The following IL31RA variants were observed in gnomAD, a reference collection of about 807,000 sequenced individuals.
The protein encoded by IL31RA is interleukin 31 receptor A.
A neutral mutation model predicts 83.7 loss-of-function variants in IL31RA; 66 were observed. The ratio of observed to expected loss-of-function variants is 0.79; its 90% CI spans 0.65 to 0.97. The LOEUF (loss-of-function observed/expected upper bound fraction) is 0.97, where lower values mean the gene tolerates loss of function less well. IL31RA is among the 50% of genes least tolerant of loss of function. IL31RA has a pLI of 0.00. For missense variants in IL31RA, 798 were observed against 919.4 expected (o/e 0.87, Z 1.71); for synonymous variants, 325 against 329.0 (o/e 0.99, Z 0.13).
chr5:55,882,397 A>C (rs538366611), intron 4 of IL31RA, among the ~76,000 whole-genome samples: 4 of 152,370 alleles, frequency 2.6e-5, no homozygotes, highest in Admixed American at 2.6e-4. Flanking sequence ...TATTTAGCGT[A>C]ATACCAATTT....
Position 55,867,225 on chromosome 5 carries a change from G to GCGCT in IL31RA, c.155-1566_155-1565insCGCT, listed in dbSNP as rs1561543414. Reference sequence around the variant, plus strand: ...TGTGTGTGTGCGCATGTGTGTTTGTGTGTGTGTTTGTGTGTGTGTTTGTGT... The same window carrying GCGCT: ...TGTGTGTGTGCGCATGTGTGTTTGTGCGCTTGTGTGTTTGTGTGTGTGTTTGTGT... On this transcript the variant is annotated intron_variant, in intron 2 of 14. Transcript: ENST00000652347. Among the ~76,000 whole-genome samples the GCGCT allele has an allele frequency of 2.5e-4, 30 of 121,890 alleles. 1 individual carries two copies. Among genetic ancestry groups the GCGCT allele is most frequent in the African/African-American group, 1.2e-3 (30 of 26,086 alleles). The allele number at this position is 121,890 out of a possible 152,430, so 80.0% of individuals were successfully genotyped here. A position where few individuals can be genotyped will look rare whatever the true frequency, so the allele number is the denominator to read the frequency against.
chr5:55,916,555 G>C (rs572886715), intron 14 of IL31RA, 89 bp from the exon 15 acceptor site: 1 of 1,088,996 alleles, frequency 9.2e-7, no homozygotes, highest in East Asian at 2.4e-5. Context: ...CCAGAGATGG[G>C]CATTTGCTGT....
intron 8 of IL31RA, chr5:55,902,440 T>C (rs1748880460): frequency 8.2e-6 from 1 of 122,148 alleles, no homozygotes; most frequent in Non-Finnish European, 1.6e-5. Context: ...CCAGGCAACA[T>C]AGTGAAACCT....
intron 12 of IL31RA, among the ~76,000 whole-genome samples, 185 bp from the exon 13 acceptor site, chr5:55,913,292 A>T (rs1237330097): frequency 6.6e-6 from 1 of 151,952 alleles, no homozygotes; most frequent in Non-Finnish European, 1.5e-5. Flanking sequence ...GGGTTTCACT[A>T]TGTTGGCCAG....
At chr5:55,902,953 G>A (rs1243763437) in intron 8 of IL31RA, among the ~76,000 whole-genome samples, 1 of 152,176 alleles carries the variant, frequency 6.6e-6, no homozygotes, top group East Asian at 1.9e-4. Context: ...GCTCGGATCT[G>A]CAGGATTCCC....
At position 55,899,899 on chromosome 5, in the gene IL31RA, G is replaced by A; in HGVS notation, c.853-17G>A. The A allele has an allele frequency of 2.5e-6, 4 of 1,597,100 alleles. No individual in the cohort carries two copies. Among genetic ancestry groups the A allele is most frequent in the Non-Finnish European group, 3.4e-6 (4 of 1,164,622 alleles). The stretch of plus-strand genomic sequence containing the variant: ...TTCTTTGTTATTGGCAATAAATTTT[G>A]TTTTCTTTGGGTTCAGAAGGCAAGA... On this transcript the variant is annotated splice_polypyrimidine_tract_variant and intron_variant, in intron 7 of 14. Coordinates refer to ENST00000652347, the MANE Select transcript of IL31RA (RefSeq NM_139017.7).
At chr5:55,855,182 C>T (rs1745283427) in intron 1 of IL31RA, among the ~76,000 whole-genome samples, 1 of 152,006 alleles carries the variant, frequency 6.6e-6, no homozygotes, top group Non-Finnish European at 1.5e-5. Context: ...TCTCACTCTG[C>T]TGCCCAGGCT....
upstream of IL31RA, among the ~76,000 whole-genome samples, chr5:55,848,479 A>T (rs1417857938): frequency 6.6e-6 from 1 of 152,002 alleles, no homozygotes; most frequent in Non-Finnish European, 1.5e-5. Flanking sequence ...ACATTTCCTT[A>T]CTATCTGGTA....
intron 2 of IL31RA, among the ~76,000 whole-genome samples, chr5:55,863,640 C>T (rs1187379387): frequency 6.6e-6 from 1 of 152,216 alleles, no homozygotes; most frequent in Non-Finnish European, 1.5e-5. Context: ...TTCTGTAACA[C>T]CAATATCAAG....
rs1039263496 is a variant in IL31RA, at chr5:55,922,006, T to A, written c.*4886T>A. ...TGTTGATTATTGACAAGCCTACTTG[T>A]AATCAAAATGTGTAGTGTGGTCAGT... On this transcript the variant is annotated 3_prime_UTR_variant, in exon 15 of 15. Transcript: ENST00000652347. Among the ~76,000 whole-genome samples the A allele has an allele frequency of 1.5e-5, 2 of 132,750 alleles. No individual in the cohort carries two copies. Among genetic ancestry groups the A allele is most frequent in the Non-Finnish European group, 1.5e-5 (1 of 65,038 alleles). 87.1% of individuals were successfully genotyped at this position (132,750 alleles called of 152,430 possible).
intron 1 of IL31RA, among the ~76,000 whole-genome samples, chr5:55,858,951 CA>C: frequency 6.6e-6 from 1 of 152,316 alleles, no homozygotes; most frequent in South Asian, 2.1e-4. Flanking sequence ...CTGTAGGACA[CA>C]TGATATAGTG....
chr5:55,915,789 T>C (rs545502540), intron 14 of IL31RA, among the ~76,000 whole-genome samples: 1 of 152,350 alleles, frequency 6.6e-6, no homozygotes, highest in African/African-American at 2.4e-5. Flanking sequence ...TCATAGGCAG[T>C]GCTCTCTGAT....
chr5:55,900,002 A>G lies in IL31RA; in HGVS notation c.939A>G (p.Thr313=), dbSNP rs867051868. The G allele has an allele frequency of 1.6e-5, 26 of 1,614,116 alleles. 2 individuals carry two copies. The Middle Eastern group carries it at 3.8e-3, about 236-fold the overall frequency. The change falls in exon 8 of 15, where the codon ACA becomes ACG. Residue 313 remains threonine (T), a synonymous_variant. Coordinates refer to ENST00000652347, the MANE Select transcript of IL31RA (RefSeq NM_139017.7). ...YPESNTNLTE[T]MNTTNQQLEL... ...AAAGCAACACTAACCTCACAGAAAC[A>G]ATGAACACTACTAACCAGCAGCTTG... is the stretch of plus-strand genomic sequence containing the variant.
intron 7 of IL31RA, among the ~76,000 whole-genome samples, chr5:55,897,335 G>A (rs1748465780): frequency 6.6e-6 from 1 of 151,686 alleles, no homozygotes; most frequent in Admixed American, 6.6e-5. Flanking sequence ...CATGACAGAC[G>A]CTGGTCCCCC....
rs765908596 is a variant in IL31RA at position 55,908,326 on chromosome 5, A to G, written c.1416A>G (p.Thr472=). Residue 472 remains threonine (T), a synonymous_variant, in exon 11 of 15, where the codon ACA becomes ACG. Coordinates refer to ENST00000652347, the MANE Select transcript of IL31RA (RefSeq NM_139017.7). ...ENIGVKTVTI[T]WKEIPKSERK... ...TTGGCGTGAAGACGGTCACGATCAC[A>G]TGGAAAGAGATTCCCAAGAGTGAGA... 1.9e-6 allele frequency: 3 copies of G among 1,614,090 alleles called. No individual in the cohort carries two copies. In the African/African-American group the frequency reaches 4.0e-5, roughly 22 times the overall value.
the IL31RA span, among the ~76,000 whole-genome samples, chr5:55,843,476 A>G: frequency 6.6e-6 from 1 of 152,324 alleles, no homozygotes; most frequent in Admixed American, 6.5e-5. Flanking sequence ...AATGAAGATA[A>G]TGATATTCTG....
At chr5:55,853,488 G>A in intron 1 of IL31RA, 1 of 1,550,400 alleles carries the variant, frequency 6.4e-7, no homozygotes, top group Non-Finnish European at 8.7e-7. Flanking sequence ...CCTGACTTGT[G>A]CTGTGGGAGG....
intron 6 of IL31RA, among the ~76,000 whole-genome samples, chr5:55,892,510 TGCCTG>T (rs1748065335): frequency 6.6e-6 from 1 of 152,382 alleles, no homozygotes; most frequent in Admixed American, 6.5e-5. Context: ...TATGGTCAGA[TGCCTG>T]GAACCAATTT....
At position 55,913,446 on chromosome 5, in the gene IL31RA, A is replaced by G. The variant is rs776808515; in HGVS notation, c.1643-31A>G. On this transcript the variant is annotated intron_variant, in intron 12 of 14. Transcript: ENST00000652347. ...TTTTTGTCAAGAAGGTGAGGAACTC[A>G]CTACTGACTTTTGTTCTTTGTTTTT... 2.9e-6 allele frequency: 4 copies of G among 1,397,688 alleles called. No individual in the cohort carries two copies. In the South Asian group the frequency reaches 3.5e-5, roughly 12 times the overall value. 86.6% of individuals were successfully genotyped at this position (1,397,688 alleles called of 1,614,324 possible).
Sources: gnomAD v4.1 joint callset for allele counts (sites outside exome capture counted in the v4.1 genomes callset) on GRCh38, gnomAD v4.1.1 for gene constraint, MANE v1.5 for transcripts, NCBI Gene and HGNC (gene_info 2026-07-23, HGNC 2026-07-21) for gene names.